GPLD1: variants seen among roughly 807,000 people sequenced by gnomAD.
The protein encoded by GPLD1 is phosphatidylinositol-glycan-specific phospholipase D.
A neutral mutation model predicts 112.6 loss-of-function variants in GPLD1; 84 were observed. The observed-to-expected ratio is 0.75, with a 90% CI of 0.63 to 0.89. The LOEUF (loss-of-function observed/expected upper bound fraction) is 0.89. Ranked by LOEUF, GPLD1 falls within the 40% of genes least tolerant of loss-of-function variation. GPLD1 has a pLI of 0.00. For missense variants in GPLD1, 1,044 were observed against 1,051.5 expected (o/e 0.99, Z 0.10); for synonymous variants, 386 against 403.8 (o/e 0.96, Z 0.53).
chr6:24,454,178 T>G lies in GPLD1; in HGVS notation c.1172A>C (p.Asn391Thr). The G allele has an allele frequency of 1.2e-6, 2 of 1,613,108 alleles. No individual in the cohort carries two copies. Among genetic ancestry groups the G allele is most frequent in the Non-Finnish European group, 1.7e-6 (2 of 1,179,526 alleles). Residue 391 changes from asparagine to threonine, a missense_variant, in exon 14 of 25, where the codon AAC becomes ACC. Asn to Thr is a moderately conservative substitution (Grantham distance 65). Transcript: ENST00000230036. ...LGWAMTSADL[N>T]QDGHGDLVVG... ...CACGAGGTCACCGTGCCCATCCTGGTTGAGGTCAGCTGAGGTCATTGCCCT... is the reference window on the plus strand; with the variant it reads ...CACGAGGTCACCGTGCCCATCCTGGGTGAGGTCAGCTGAGGTCATTGCCCT...
intron 24 of GPLD1, among the ~76,000 whole-genome samples, chr6:24,430,553 A>T (rs1186275035): frequency 6.6e-6 from 1 of 152,206 alleles, no homozygotes; most frequent in African/African-American, 2.4e-5. Flanking sequence ...GAGCTGATGG[A>T]AGGCAGCCCC....
At chr6:24,475,763 C>T (rs1763993628) in intron 4 of GPLD1, among the ~76,000 whole-genome samples, 1 of 150,770 alleles carries the variant, frequency 6.6e-6, no homozygotes, top group South Asian at 2.1e-4. Context: ...GAGGCTGAGG[C>T]AGGAGAATGG....
upstream of GPLD1, among the ~76,000 whole-genome samples, chr6:24,491,691 C>A (rs1275984264): frequency 6.6e-6 from 1 of 151,392 alleles, no homozygotes; most frequent in Non-Finnish European, 1.5e-5. Context: ...CTGGGCAAGA[C>A]CCCACCTCAA....
At chr6:24,455,202 A>G (rs959486579) in intron 13 of GPLD1, among the ~76,000 whole-genome samples, 1 of 152,262 alleles carries the variant, frequency 6.6e-6, no homozygotes, top group Non-Finnish European at 1.5e-5. Context: ...TGGAGGCTCA[A>G]TGCTGGCCAG....
chr6:24,490,797 A>C (rs561825589), upstream of GPLD1, among the ~76,000 whole-genome samples: 19 of 152,072 alleles, frequency 1.2e-4, no homozygotes, highest in Middle Eastern at 0.01. Context: ...ATGATTTGAC[A>C]ACAGTTGTCG....
intron 20 of GPLD1, among the ~76,000 whole-genome samples, chr6:24,442,191 T>C (rs560382076): frequency 2.1e-3 from 312 of 149,786 alleles, no homozygotes; most frequent in Non-Finnish European, 4.0e-3. Context: ...GGTGTGATCA[T>C]AGCTCACTGC....
At chr6:24,468,185 C>T (rs1438472626) in intron 7 of GPLD1, among the ~76,000 whole-genome samples, 4 of 152,116 alleles carry the variant, frequency 2.6e-5, no homozygotes, top group East Asian at 1.9e-4. Context: ...GGATTACAGG[C>T]GTGAGCCACC....
chr6:24,425,519 CT>C (rs773599112), downstream of GPLD1: 3 of 152,218 alleles, frequency 2.0e-5, 1 homozygote, highest in African/African-American at 7.2e-5. Flanking sequence ...ACTAGTTCCA[CT>C]TTTGTGATTG....
upstream of GPLD1, among the ~76,000 whole-genome samples, chr6:24,491,280 G>A (rs1394651515): frequency 6.6e-6 from 1 of 152,164 alleles, no homozygotes; most frequent in East Asian, 1.9e-4. Flanking sequence ...TATTAATTGG[G>A]ACTTTGGATA....
intron 5 of GPLD1, 76 bp downstream of exon 5, chr6:24,475,045 A>T (rs1763961284): frequency 1.3e-6 from 1 of 787,396 alleles, no homozygotes; most frequent in Non-Finnish European, 2.3e-6. Flanking sequence ...CCTTTCTTTT[A>T]AAACGGTCAG....
chr6:24,469,986 C>G (rs927200246), intron 7 of GPLD1, among the ~76,000 whole-genome samples: 1 of 152,120 alleles, frequency 6.6e-6, no homozygotes, highest in African/African-American at 2.4e-5. Flanking sequence ...AATCACCAAG[C>G]TAGCAGGACA....
intron 20 of GPLD1, among the ~76,000 whole-genome samples, chr6:24,440,569 G>A (rs1445946246): frequency 1.4e-5 from 1 of 73,068 alleles, no homozygotes; most frequent in African/African-American, 4.2e-5. Context: ...TATCAAAAGT[G>A]TAAAAAATAC....
intron 15 of GPLD1, 119 bp from the exon 16 acceptor site, chr6:24,448,327 C>T (rs1260805598): frequency 4.6e-6 from 2 of 434,618 alleles, no homozygotes; most frequent in Non-Finnish European, 8.8e-6. Flanking sequence ...TGTCTATAAT[C>T]CCAGTGCTTT....
chr6:24,452,341 CAGA>C (rs1763118821), intron 14 of GPLD1, among the ~76,000 whole-genome samples: 1 of 152,204 alleles, frequency 6.6e-6, no homozygotes, highest in Non-Finnish European at 1.5e-5. Context: ...CATGTGGTGT[CAGA>C]AGGCCCTGAA....
At chr6:24,455,254 T>C (rs968867663) in intron 13 of GPLD1, among the ~76,000 whole-genome samples, 2 of 152,216 alleles carry the variant, frequency 1.3e-5, no homozygotes, top group African/African-American at 4.8e-5. Flanking sequence ...TGTGCTTATG[T>C]AGCTGCCAGC....
Position 24,460,262 on chromosome 6 carries a change from G to C in GPLD1, c.1008+17C>G, listed in dbSNP as rs1417262993. The C allele has an allele frequency of 1.2e-6, 2 of 1,613,250 alleles. No homozygotes were observed. The highest frequency in any genetic ancestry group is 2.7e-5 in the African/African-American group (2 of 74,876). On this transcript the variant is annotated intron_variant, in intron 12 of 24. Transcript: ENST00000230036. ...AGCAGCATTCCTCTTTCTCAACTTA[G>C]AGCAGAAAATTCTTACCGGGGTCCA...
At position 24,446,856 on chromosome 6, in the gene GPLD1, G is replaced by A; in HGVS notation, c.1802C>T (p.Thr601Ile). Residue 601 changes from threonine (T) to isoleucine (I), a missense_variant, in exon 18 of 25, where the codon ACC becomes ATC. By Grantham distance (89) the Thr-to-Ile change is moderately conservative. Transcript: ENST00000230036. ...GCCTCACCTGCTGGCATTCTTCCAG[G>A]TCGGGCTCCCAACCAACAGCAAGGT... Reference protein sequence around the residue: ...NRTLLLVGSPTWKNASRLGHL... With the variant: ...NRTLLLVGSPIWKNASRLGHL... 6.2e-7 allele frequency: 1 copy of A among 1,613,570 alleles called. No individual in the cohort carries two copies. The highest frequency in any genetic ancestry group is 1.1e-5 in the South Asian group (1 of 90,970).
chr6:24,475,073 G>C (rs749057865), intron 5 of GPLD1, 48 bp downstream of exon 5: 1 of 930,658 alleles, frequency 1.1e-6, no homozygotes, highest in African/African-American at 1.6e-5. Context: ...TCTTAGGTGA[G>C]ACAGTATCAC....
intron 15 of GPLD1, among the ~76,000 whole-genome samples, chr6:24,448,545 G>A (rs755425314): frequency 1.4e-4 from 21 of 152,190 alleles, no homozygotes; most frequent in Non-Finnish European, 2.5e-4. Context: ...TTTAAAGTCT[G>A]TCACTTCCAT....
Sources: allele counts gnomAD v4.1 joint callset (sites outside exome capture counted in the v4.1 genomes callset), GRCh38; gene constraint gnomAD v4.1.1; transcripts MANE v1.5; gene names NCBI Gene and HGNC (gene_info 2026-07-23, HGNC 2026-07-21).